MAGI2: variants seen among roughly 807,000 people sequenced by gnomAD.
The protein encoded by MAGI2 is membrane associated guanylate kinase, WW and PDZ domain containing 2.
A neutral mutation model predicts 133.3 loss-of-function variants in MAGI2; 35 were observed. That is an observed-to-expected ratio of 0.26 (90% CI 0.20 to 0.35). The LOEUF (loss-of-function observed/expected upper bound fraction) is 0.35, where lower values mean the gene tolerates loss of function less well. Among genes scored for constraint, MAGI2 ranks in the 10% least tolerant of loss-of-function variants. MAGI2 has a pLI of 1.00. For synonymous variants in MAGI2, 729 were observed against 710.6 expected (o/e 1.03, Z -0.41); for missense variants, 1,636 against 1,863.4 (o/e 0.88, Z 2.25).
chr7:79,075,519 G>T (rs1026351527), intron 1 of MAGI2, among the ~76,000 whole-genome samples: 1 of 152,152 alleles, frequency 6.6e-6, no homozygotes, highest in Non-Finnish European at 1.5e-5. Context: ...CCAACACTTT[G>T]GGAGGCTGAT....
At chr7:78,962,137 T>C (rs1194955934) in intron 2 of MAGI2, among the ~76,000 whole-genome samples, 1 of 152,118 alleles carries the variant, frequency 6.6e-6, no homozygotes, top group Non-Finnish European at 1.5e-5. Flanking sequence ...CTAAACAGAA[T>C]GATCTTCCTC....
At position 78,404,563 on chromosome 7, in the gene MAGI2, T is replaced by C. The variant is rs191583346; in HGVS notation, c.1046-35350A>G. ...TGACAAACCTGACAAAAAGAAGAAA[T>C]GGGGAAAGGATTCCCTATTTAATAA... On this transcript the variant is annotated intron_variant, in intron 6 of 21. Coordinates refer to ENST00000354212, the MANE Select transcript of MAGI2 (RefSeq NM_012301.4). Among the ~76,000 whole-genome samples, 937 of 152,190 alleles carry C rather than the reference T, an allele frequency of 6.2e-3. 42 individuals carry two copies. Among genetic ancestry groups the C allele is most frequent in the Admixed American group, 0.058 (893 of 15,278 alleles).
At chr7:78,908,847 T>G (rs1028149048) in intron 2 of MAGI2, among the ~76,000 whole-genome samples, 1 of 151,114 alleles carries the variant, frequency 6.6e-6, no homozygotes, top group African/African-American at 2.4e-5. Context: ...AGATAGAAAA[T>G]AGAAAGAAAA....
intron 1 of MAGI2, among the ~76,000 whole-genome samples, chr7:79,246,995 A>G (rs1436472728): frequency 6.6e-6 from 1 of 152,232 alleles, no homozygotes; most frequent in Non-Finnish European, 1.5e-5. Flanking sequence ...ATAGAGGGGC[A>G]TGACATATTA....
rs185732546 is a variant in MAGI2, at chr7:79,389,760, A to G, written c.301+63260T>C. On this transcript the variant is annotated intron_variant, in intron 1 of 21. Transcript: ENST00000354212. ...GTATATAATGGGGTAGGGGAAGGGG[A>G]GAAATGGTTTACTGTCTGAATCCCC... Among the ~76,000 whole-genome samples, 157 of 151,324 alleles carry G rather than the reference A, an allele frequency of 1.0e-3. 1 individual carries two copies. The highest frequency in any genetic ancestry group is 3.8e-3 in the African/African-American group (153 of 40,704).
At chr7:78,922,394 C>G (rs1353662933) in intron 2 of MAGI2, among the ~76,000 whole-genome samples, 1 of 151,618 alleles carries the variant, frequency 6.6e-6, no homozygotes, top group African/African-American at 2.4e-5. Context: ...TCCCTGTGTC[C>G]ATGTGTTCTC....
chr7:78,888,188 G>A (rs1273238932), intron 2 of MAGI2, among the ~76,000 whole-genome samples: 3 of 152,314 alleles, frequency 2.0e-5, no homozygotes, highest in Middle Eastern at 3.4e-3. Flanking sequence ...GGGGAGGGGC[G>A]CCCACCATTG....
At position 79,024,570 on chromosome 7, in the gene MAGI2, A is replaced by G. The variant is rs117221355; in HGVS notation, c.302-17364T>C. On this transcript the variant is annotated intron_variant, in intron 1 of 21. Coordinates refer to ENST00000354212, the MANE Select transcript of MAGI2 (RefSeq NM_012301.4). ...AAACTATCAACAAAGTAAAGACACA[A>G]CCTAAAGAATGGGAGAAAATATTTG... is the stretch of plus-strand genomic sequence containing the variant. Among the ~76,000 whole-genome samples, 19 of 152,226 alleles carry G rather than the reference A, an allele frequency of 1.2e-4. No individual in the cohort carries two copies. The East Asian group carries it at 3.7e-3, about 29-fold the overall frequency.
chr7:78,212,919 C>T (rs953024921), intron 10 of MAGI2, among the ~76,000 whole-genome samples: 51 of 152,110 alleles, frequency 3.4e-4, no homozygotes, highest in Non-Finnish European at 6.8e-4. Context: ...TCAAGTGATC[C>T]CCTGCCTTGG....
intron 6 of MAGI2, among the ~76,000 whole-genome samples, chr7:78,447,794 A>G (rs1409211615): frequency 6.6e-6 from 1 of 151,834 alleles, no homozygotes; most frequent in African/African-American, 2.4e-5. Flanking sequence ...AAATCCTTCA[A>G]AATCCTTTCT....
At chr7:78,176,976 T>C (rs1826700800) in intron 14 of MAGI2, among the ~76,000 whole-genome samples, 1 of 142,128 alleles carries the variant, frequency 7.0e-6, no homozygotes. Context: ...CCTGGGAGAA[T>C]CTAGTAACAA....
chr7:79,168,889 G>GATAGATATATATATATAT (rs1396243710), intron 1 of MAGI2, among the ~76,000 whole-genome samples: 2 of 14,636 alleles, frequency 1.4e-4, no homozygotes, highest in Non-Finnish European at 4.2e-4. Context: ...TCTAAAGATA[G>GATAGATATATATATATAT]ATATATATAT....
intron 21 of MAGI2, chr7:78,078,665 G>A (rs919945218): frequency 2.4e-5 from 13 of 551,714 alleles, no homozygotes; most frequent in South Asian, 1.2e-4. Context: ...AGATCTCCTC[G>A]CACACTCACA....
intron 9 of MAGI2, among the ~76,000 whole-genome samples, chr7:78,326,598 TTTC>T (rs1444424999): frequency 6.6e-6 from 1 of 152,172 alleles, no homozygotes; most frequent in Non-Finnish European, 1.5e-5. Context: ...ATCCCACTCA[TTTC>T]TTCTTCTCTG....
chr7:78,831,020 A>C (rs1370546260), intron 2 of MAGI2, among the ~76,000 whole-genome samples: 2 of 152,238 alleles, frequency 1.3e-5, no homozygotes, highest in African/African-American at 4.8e-5. Context: ...TTTTATTAGC[A>C]TAATGTACAA....
intron 1 of MAGI2, among the ~76,000 whole-genome samples, chr7:79,078,463 G>T (rs1240431424): frequency 6.6e-6 from 1 of 152,100 alleles, no homozygotes; most frequent in Non-Finnish European, 1.5e-5. Flanking sequence ...TCTACCAAAG[G>T]TATATTTACA....
chr7:78,346,469 T>A (rs76716188), intron 7 of MAGI2, among the ~76,000 whole-genome samples: 1 of 152,156 alleles, frequency 6.6e-6, no homozygotes, highest in Admixed American at 6.6e-5. Context: ...GGTAAATTCA[T>A]TGATAGAGTA....
At chr7:78,537,941 C>T (rs1173951420) in intron 3 of MAGI2, among the ~76,000 whole-genome samples, 2 of 152,016 alleles carry the variant, frequency 1.3e-5, no homozygotes, top group East Asian at 1.9e-4. Context: ...AGGGTTTTTC[C>T]AATGTTATCT....
chr7:78,997,142 C>T (rs939979785), intron 2 of MAGI2, among the ~76,000 whole-genome samples: 1 of 152,126 alleles, frequency 6.6e-6, no homozygotes, highest in Non-Finnish European at 1.5e-5. Flanking sequence ...TGTTGAGCAG[C>T]AAGTGAAACT....
Sources: gnomAD v4.1 joint callset for allele counts (sites outside exome capture counted in the v4.1 genomes callset) on GRCh38, gnomAD v4.1.1 for gene constraint, MANE v1.5 for transcripts, NCBI Gene and HGNC (gene_info 2026-07-23, HGNC 2026-07-21) for gene names.